TTLL8: variants seen among roughly 807,000 people sequenced by gnomAD.
TTLL8 encodes protein monoglycylase TTLL8.
A neutral mutation model predicts 77.8 loss-of-function variants in TTLL8; 65 were observed. The ratio of observed to expected loss-of-function variants is 0.84; its 90% confidence interval spans 0.68 to 1.03. The LOEUF (loss-of-function observed/expected upper bound fraction) is 1.03, where lower values mean the gene tolerates loss of function less well. TTLL8 is among the 50% of genes least tolerant of loss of function. The pLI is 0.00. For synonymous variants in TTLL8, 402 were observed against 422.8 expected (o/e 0.95, Z 0.60); for missense variants, 910 against 1,004.5 (o/e 0.91, Z 1.27).
At chr22:50,058,290 G>A (rs1207562610), upstream of TTLL8, among the ~76,000 whole-genome samples, 1 of 148,000 alleles carries the variant, frequency 6.8e-6, no homozygotes, top group Non-Finnish European at 1.5e-5. The surrounding 1 kb of genome is among the most constrained non-coding windows in gnomAD (Gnocchi z 4.2). Context: ...CTGTGCAGCG[G>A]CGGCGGCCCC....
chr22:50,032,564 T>C (rs1407602194), intron 10 of TTLL8, among the ~76,000 whole-genome samples: 1 of 152,108 alleles, frequency 6.6e-6, no homozygotes, highest in Non-Finnish European at 1.5e-5. Context: ...GGGCCGGAGT[T>C]AACTCCCCTG....
At chr22:50,030,546 A>G (rs902931706) in exon 12 of TTLL8, 1 of 1,322,128 alleles carries the variant, frequency 7.6e-7, no homozygotes, top group African/African-American at 1.5e-5. Context: ...GGGCTGGGCT[A>G]CGGGGACACC....
At chr22:50,053,186 C>T (rs1176748626) in intron 1 of TTLL8, among the ~76,000 whole-genome samples, 1 of 147,980 alleles carries the variant, frequency 6.8e-6, no homozygotes, top group Admixed American at 6.9e-5. Flanking sequence ...TGTGCCACTG[C>T]ACTCTAGCAT....
At chr22:50,030,251 C>T in intron 12 of TTLL8, 179 bp downstream of exon 13, 6 of 985,286 alleles carry the variant, frequency 6.1e-6, no homozygotes, top group Non-Finnish European at 7.2e-6. Flanking sequence ...CGGGCTGGGA[C>T]AGGTGCCCCA....
rs9617133 is a variant in TTLL8 at position 50,028,882 on chromosome 22, A to G, written c.2203+1548T>C. 1.3e-3 allele frequency among the ~76,000 whole-genome samples: 9 copies of G among 6,830 alleles called. 3 individuals are homozygous for G. In the African/African-American group the frequency reaches 0.016, roughly 12 times the overall value. 4.5% of individuals were successfully genotyped at this position (6,830 alleles called of 152,430 possible). A position where few individuals can be genotyped will look rare whatever the true frequency, so the allele number is the denominator to read the frequency against. Reference sequence around the variant, plus strand: ...GTAAAGACCCCCATCACACCATCCTAAAGACCCCACATACCCTCGTAAAGA... The same window carrying G: ...GTAAAGACCCCCATCACACCATCCTGAAGACCCCACATACCCTCGTAAAGA... On this transcript the variant is annotated intron_variant, in intron 12 of 13. Transcript: ENST00000266182.
At chr22:50,036,551 T>C (rs1347047913) in intron 8 of TTLL8, among the ~76,000 whole-genome samples, 1 of 151,880 alleles carries the variant, frequency 6.6e-6, no homozygotes, top group East Asian at 1.9e-4. Context: ...TTCCTGTCAA[T>C]GAAACTACAC....
At chr22:50,026,192 G>A (rs770417806) in intron 12 of TTLL8, among the ~76,000 whole-genome samples, 6 of 151,994 alleles carry the variant, frequency 3.9e-5, no homozygotes, top group African/African-American at 1.5e-4. Context: ...TGTTATCACC[G>A]ACAAAGGGTG....
intron 12 of TTLL8, chr22:50,027,722 T>C (rs948620417): frequency 2.0e-6 from 2 of 985,290 alleles, no homozygotes; most frequent in Admixed American, 1.2e-4. Context: ...GCACAGGCTC[T>C]GAGAGCAACG....
Position 50,047,140 on chromosome 22 carries a change from CCGCCACGCTCAAGCGCGGCCG to C in TTLL8, c.393+7_393+27del. The C allele has an allele frequency of 1.5e-6, 2 of 1,366,234 alleles. No homozygotes were observed. The highest frequency in any genetic ancestry group is 2.0e-6 in the Non-Finnish European group (2 of 1,021,362). The allele number at this position is 1,366,234 out of a possible 1,614,324, so 84.6% of individuals were successfully genotyped here. A position where few individuals can be genotyped will look rare whatever the true frequency, so the allele number is the denominator to read the frequency against. ...TCCTCCCCACCACCCTTGCCGGCTC[CCGCCACGCTCAAGCGCGGCCG>C]GCTCACCTTGGTGGTGAAGGAGGCT... On this transcript the variant is annotated splice_region_variant and intron_variant, in intron 4 of 13. Transcript: ENST00000266182.
rs1185246298 is a variant in TTLL8, at chr22:50,018,796, G to A, written c.2204-2234C>T. Among the ~76,000 whole-genome samples the A allele has an allele frequency of 6.6e-6, 1 of 152,226 alleles. No individual in the cohort carries two copies. Among genetic ancestry groups the A allele is most frequent in the Non-Finnish European group, 1.5e-5 (1 of 68,042 alleles). ...GAATCTGACGCTGTCATGAACCTGT[G>A]TGGAAAAGATATTGACAGACCAAAA... On this transcript the variant is annotated intron_variant, in intron 12 of 13. Coordinates refer to ENST00000266182, the Ensembl canonical transcript of TTLL8.
chr22:50,050,149 C>T, exon 2 of TTLL8: 2 of 1,367,196 alleles, frequency 1.5e-6, no homozygotes, highest in Non-Finnish European at 2.0e-6. Flanking sequence ...CCGGAATGAC[C>T]TTGGGCAAAA....
At chr22:50,046,464 T>C (rs137905) in intron 4 of TTLL8, among the ~76,000 whole-genome samples, 137,654 of 152,308 alleles carry the variant, frequency 0.9, 62,338 homozygotes, top group South Asian at 0.97. Context: ...TTTGTCACCC[T>C]GTTAAGGAAA....
exon 5 of TTLL8, chr22:50,045,938 G>A (rs1249114497): frequency 7.3e-7 from 1 of 1,361,046 alleles, no homozygotes; most frequent in East Asian, 4.6e-5. Flanking sequence ...GGACGTACCA[G>A]GGCAGGCTCC....
intron 5 of TTLL8, 144 bp downstream of exon 7, chr22:50,045,712 C>T (rs1253444295): frequency 6.7e-6 from 8 of 1,198,630 alleles, no homozygotes; most frequent in East Asian, 5.8e-5. Context: ...GGCCTCTGTA[C>T]TGCCATGACC....
intron 12 of TTLL8, among the ~76,000 whole-genome samples, chr22:50,029,705 TC>T (rs1203518382): frequency 1.3e-5 from 2 of 151,874 alleles, no homozygotes; most frequent in African/African-American, 2.4e-5. Context: ...CACTTCAGCC[TC>T]AGCAACAGAG....
intron 12 of TTLL8, among the ~76,000 whole-genome samples, chr22:50,025,849 C>G (rs1156664437): frequency 2.0e-5 from 3 of 152,146 alleles, no homozygotes; most frequent in African/African-American, 7.2e-5. Context: ...ATCCGTACAC[C>G]TACCAGACTG....
intron 2 of TTLL8, 64 bp from the exon 5 acceptor site, chr22:50,049,386 C>T (rs978321913): frequency 3.5e-5 from 48 of 1,359,754 alleles, no homozygotes; most frequent in African/African-American, 1.3e-4. Flanking sequence ...GCACCGGGTC[C>T]GTTACCACAA....
chr22:50,041,426 CA>C lies in TTLL8; in HGVS notation c.831-150del, dbSNP rs2061369985. Reference sequence around the variant, plus strand: ...GTATCCCAGACATCCAGACAGACACCACAATACTCAACAAGCATCCCAGACA... The same window carrying C: ...GTATCCCAGACATCCAGACAGACACCCAATACTCAACAAGCATCCCAGACA... On this transcript the variant is annotated intron_variant, in intron 7 of 13. Transcript: ENST00000266182. This position sits in a 1 kb window ranked among gnomAD's most constrained non-coding sequence, Gnocchi z 4.3. 1 of 1,070,306 alleles carries C rather than the reference CA, an allele frequency of 9.3e-7. No individual in the cohort carries two copies. Among genetic ancestry groups the C allele is most frequent in the African/African-American group, 1.7e-5 (1 of 59,890 alleles). 66.3% of individuals were successfully genotyped at this position (1,070,306 alleles called of 1,614,324 possible).
Position 50,054,613 on chromosome 22 carries a change from TC to T in TTLL8, c.13del (p.Asp5MetfsTer37). ...TGAGTACCTGGAAGTCTGTTTCCCA[TC>T]CAGGAGCCTCATGCTTCCTGTGGGG... On this transcript the variant is annotated frameshift_variant, in exon 1 of 14. Coordinates refer to ENST00000266182, the Ensembl canonical transcript of TTLL8. LOFTEE classifies it high-confidence loss of function. 1 of 235,682 alleles carries T rather than the reference TC, an allele frequency of 4.2e-6. No homozygotes were observed. Among genetic ancestry groups the T allele is most frequent in the South Asian group, 6.5e-5 (1 of 15,278 alleles). 14.6% of individuals were successfully genotyped at this position (235,682 alleles called of 1,614,324 possible).
Sources: allele counts gnomAD v4.1 joint callset (sites outside exome capture counted in the v4.1 genomes callset), GRCh38; gene constraint gnomAD v4.1.1; non-coding constraint Gnocchi (gnomAD v3.1); transcripts MANE v1.5; gene names NCBI Gene and HGNC (gene_info 2026-07-23, HGNC 2026-07-21).